The following MAML3 variants were observed in gnomAD, a reference collection of about 807,000 sequenced individuals.
MAML3 encodes the protein mastermind-like protein 3.
Under a neutral mutation model 101.9 loss-of-function variants are expected in MAML3, and 27 were observed. The observed-to-expected ratio is 0.27, with a 90% CI of 0.20 to 0.37. MAML3 has a LOEUF of 0.37. Among genes scored for constraint, MAML3 ranks in the 10% least tolerant of loss-of-function variants. The probability of loss-of-function intolerance (pLI) is 1.00; values close to 1 mark genes in which losing one functional copy is unlikely to be tolerated. For synonymous variants in MAML3, 501 were observed against 555.9 expected, an observed-to-expected ratio of 0.90 and a Z score of 1.39; for missense variants, 1,316 against 1,444.9, an observed-to-expected ratio of 0.91 and a Z score of 1.45.
intron 2 of MAML3, among the ~76,000 whole-genome samples, chr4:139,773,929 T>C (rs571913137): frequency 2.0e-5 from 3 of 152,218 alleles, no homozygotes; most frequent in Admixed American, 6.5e-5. Flanking sequence ...TGAAACCATA[T>C]GTATGGGTTG....
At chr4:139,994,334 G>A (rs1734760432) in intron 1 of MAML3, among the ~76,000 whole-genome samples, 2 of 152,156 alleles carry the variant, frequency 1.3e-5, no homozygotes, top group Non-Finnish European at 2.9e-5. Context: ...GAATGGAATT[G>A]GGTTCTTAAT....
At chr4:139,777,248 AT>A (rs1560791282) in intron 2 of MAML3, among the ~76,000 whole-genome samples, 1 of 152,174 alleles carries the variant, frequency 6.6e-6, no homozygotes, top group Non-Finnish European at 1.5e-5. Flanking sequence ...CCAAAATAGA[AT>A]TTCCGGTTCT....
intron 1 of MAML3, among the ~76,000 whole-genome samples, chr4:140,046,885 A>G (rs1727192329): frequency 6.6e-6 from 1 of 152,300 alleles, no homozygotes; most frequent in African/African-American, 2.4e-5. Flanking sequence ...GCAATTTTGC[A>G]GAGAGGCTCG....
chr4:139,722,295 G>T (rs988269676), intron 4 of MAML3, among the ~76,000 whole-genome samples: 6 of 152,070 alleles, frequency 3.9e-5, no homozygotes, highest in Admixed American at 3.3e-4. Flanking sequence ...TTTAAAATCA[G>T]CAATTGCCAC....
intron 2 of MAML3, among the ~76,000 whole-genome samples, chr4:139,791,262 T>C (rs1046738705): frequency 6.6e-4 from 100 of 152,148 alleles, no homozygotes; most frequent in Non-Finnish European, 1.4e-3. Context: ...TTTGGGAGGC[T>C]GAGGCAGGTG....
chr4:139,832,210 T>C (rs1260205113), intron 2 of MAML3, among the ~76,000 whole-genome samples: 2 of 150,442 alleles, frequency 1.3e-5, no homozygotes, highest in South Asian at 2.1e-4. Flanking sequence ...GTTCAAGTGA[T>C]TCTCATGCCT....
At chr4:140,078,217 A>G (rs893353697) in intron 1 of MAML3, among the ~76,000 whole-genome samples, 1 of 152,136 alleles carries the variant, frequency 6.6e-6, no homozygotes, top group African/African-American at 2.4e-5. Context: ...CCATAGCTCT[A>G]GCACCAAGGA....
intron 1 of MAML3, among the ~76,000 whole-genome samples, chr4:139,973,413 G>C (rs151276432): frequency 6.6e-6 from 1 of 152,102 alleles, no homozygotes; most frequent in African/African-American, 2.4e-5. Context: ...TGAATCTATC[G>C]GCGAAGATTA....
At chr4:139,995,673 T>TA (rs1734794966) in intron 1 of MAML3, among the ~76,000 whole-genome samples, 1 of 152,188 alleles carries the variant, frequency 6.6e-6, no homozygotes, top group Non-Finnish European at 1.5e-5. Flanking sequence ...GGGTCAGTAG[T>TA]ATGGCTCATT....
At chr4:139,798,196 G>A (rs150935209) in intron 2 of MAML3, among the ~76,000 whole-genome samples, 21 of 152,150 alleles carry the variant, frequency 1.4e-4, no homozygotes, top group African/African-American at 4.8e-4. Flanking sequence ...TTGTTGAAAT[G>A]TTTTTCATAA....
chr4:139,934,936 T>C (rs1578605712), intron 1 of MAML3, among the ~76,000 whole-genome samples: 2 of 152,156 alleles, frequency 1.3e-5, no homozygotes, highest in African/African-American at 4.8e-5. Flanking sequence ...CAAAGCCAGG[T>C]TTCCTTAGCA....
intron 1 of MAML3, among the ~76,000 whole-genome samples, chr4:140,137,691 T>C (rs1728918051): frequency 6.6e-6 from 1 of 152,234 alleles, no homozygotes; most frequent in South Asian, 2.1e-4. Flanking sequence ...TGGATGAGAA[T>C]ATCAAAGCCA....
At chr4:139,898,410 G>C (rs1048202385) in intron 1 of MAML3, among the ~76,000 whole-genome samples, 9 of 152,206 alleles carry the variant, frequency 5.9e-5, no homozygotes, top group African/African-American at 2.2e-4. Flanking sequence ...CTGAAATCCA[G>C]AGACTTTAAG....
At chr4:139,896,479 C>G (rs1465464790) in intron 1 of MAML3, among the ~76,000 whole-genome samples, 1 of 152,144 alleles carries the variant, frequency 6.6e-6, no homozygotes, top group East Asian at 1.9e-4. Flanking sequence ...TGCTGTTCAT[C>G]CAATGCCTAT....
intron 1 of MAML3, among the ~76,000 whole-genome samples, chr4:139,954,900 G>C (rs191886112): frequency 1.3e-5 from 2 of 151,414 alleles, no homozygotes; most frequent in Non-Finnish European, 2.9e-5. Context: ...ATAATGTATC[G>C]ATAAAAATTT....
intron 1 of MAML3, among the ~76,000 whole-genome samples, chr4:139,932,441 T>G (rs1170005871): frequency 6.6e-6 from 1 of 152,232 alleles, no homozygotes; most frequent in Non-Finnish European, 1.5e-5. Flanking sequence ...TGGAGTCAGT[T>G]AAGTGCTTTA....
rs1278839131 is a variant in MAML3 at position 139,785,859 on chromosome 4, C to T, written c.2080-55192G>A. On this transcript the variant is annotated intron_variant, in intron 2 of 4. Coordinates refer to ENST00000509479, the MANE Select transcript of MAML3 (RefSeq NM_018717.5). The surrounding 1 kb of genome is among the most constrained non-coding windows in gnomAD (Gnocchi z 4.3). ...GGGAATTCTAATGACAATTTAATAG[C>T]GGCCTGCCACATGGTCTAGGGAAAG... 4.6e-5 allele frequency among the ~76,000 whole-genome samples: 7 copies of T among 152,038 alleles called. No homozygotes were observed. The highest frequency in any genetic ancestry group is 7.3e-5 in the African/African-American group (3 of 41,374).
At chr4:139,969,402 T>C (rs1441018083) in intron 1 of MAML3, among the ~76,000 whole-genome samples, 5 of 152,134 alleles carry the variant, frequency 3.3e-5, no homozygotes, top group African/African-American at 1.2e-4. Context: ...CATTTTTGCA[T>C]CAGAAAAATA....
At chr4:140,002,242 C>G (rs1452583856) in intron 1 of MAML3, among the ~76,000 whole-genome samples, 2 of 152,222 alleles carry the variant, frequency 1.3e-5, no homozygotes, top group Non-Finnish European at 2.9e-5. Context: ...TGGTAACCAT[C>G]ATTCTACTCT....
Sources: gnomAD v4.1 joint callset for allele counts (sites outside exome capture counted in the v4.1 genomes callset) on GRCh38, gnomAD v4.1.1 for gene constraint, Gnocchi (gnomAD v3.1) non-coding constraint, MANE v1.5 for transcripts, NCBI Gene and HGNC (gene_info 2026-07-23, HGNC 2026-07-21) for gene names.